The following CMSS1 variants were observed in gnomAD, a reference collection of about 807,000 sequenced individuals.
CMSS1 encodes the protein cms1 ribosomal small subunit homolog.
In CMSS1, 33 loss-of-function variants were observed where a neutral mutation model predicts 43.5. That is an observed-to-expected ratio of 0.76 (90% confidence interval 0.57 to 1.01). The LOEUF (loss-of-function observed/expected upper bound fraction) is 1.01. Among genes scored for constraint, CMSS1 ranks in the 50% least tolerant of loss-of-function variants. CMSS1 has a pLI of 0.00. For missense variants in CMSS1, 313 were observed against 326.4 expected (o/e 0.96, Z 0.32); for synonymous variants, 115 against 117.2 (o/e 0.98, Z 0.12).
chr3:99,932,103 T>C (rs1337083208), intron 1 of CMSS1, among the ~76,000 whole-genome samples: 2 of 152,192 alleles, frequency 1.3e-5, no homozygotes, highest in East Asian at 1.9e-4. Flanking sequence ...AATAATTTAC[T>C]GTATATTAGA....
chr3:100,069,140 C>T (rs191737885), intron 1 of CMSS1, among the ~76,000 whole-genome samples: 3 of 152,288 alleles, frequency 2.0e-5, no homozygotes, highest in Admixed American at 2.0e-4. Context: ...TTCTGTAAGG[C>T]TCCTACTCCT....
At chr3:99,873,124 T>C (rs1705321730) in intron 1 of CMSS1, among the ~76,000 whole-genome samples, 1 of 152,146 alleles carries the variant, frequency 6.6e-6, no homozygotes, top group Non-Finnish European at 1.5e-5. Context: ...TAGAAAATGT[T>C]GTGGTGATGA....
At chr3:100,062,093 C>CTTTTTTTTTTTTTTTTTTTTTTTTT (rs71907944) in intron 1 of CMSS1, among the ~76,000 whole-genome samples, 3 of 53,182 alleles carry the variant, frequency 5.6e-5, no homozygotes, top group East Asian at 5.2e-4. Flanking sequence ...CTGTCTTCTT[C>CTTTTTTTTTTTTTTTTTTTTTTTTT]TTTTTTTTTT....
intron 1 of CMSS1, among the ~76,000 whole-genome samples, chr3:99,855,106 TA>T (rs1943894957): frequency 6.6e-6 from 1 of 152,326 alleles, no homozygotes; most frequent in Admixed American, 6.5e-5. Flanking sequence ...GTTTGAATAT[TA>T]ACTCTGCCAA....
chr3:100,069,033 G>A (rs187447109), intron 1 of CMSS1, among the ~76,000 whole-genome samples: 24 of 152,258 alleles, frequency 1.6e-4, no homozygotes, highest in Admixed American at 2.6e-4. Context: ...AAGTACCCAC[G>A]TGATTTGGGC....
At chr3:99,902,140 A>G (rs1473956112) in intron 1 of CMSS1, among the ~76,000 whole-genome samples, 1 of 152,188 alleles carries the variant, frequency 6.6e-6, no homozygotes, top group African/African-American at 2.4e-5. Flanking sequence ...TCATGATGTT[A>G]TATTAGACAT....
intron 1 of CMSS1, among the ~76,000 whole-genome samples, chr3:99,917,217 TCTC>T (rs2107646178): frequency 6.6e-6 from 1 of 152,330 alleles, no homozygotes; most frequent in East Asian, 1.9e-4. Flanking sequence ...CTGTGTTTAA[TCTC>T]CTTTTTGCCT....
chr3:99,861,662 C>A (rs966615200), intron 1 of CMSS1, among the ~76,000 whole-genome samples: 1 of 152,126 alleles, frequency 6.6e-6, no homozygotes, highest in Non-Finnish European at 1.5e-5. Context: ...CCCTATTACC[C>A]CCAGCAAGAG....
intron 1 of CMSS1, among the ~76,000 whole-genome samples, chr3:100,052,839 T>A (rs1184381117): frequency 6.6e-6 from 1 of 152,234 alleles, no homozygotes; most frequent in Non-Finnish European, 1.5e-5. Context: ...TCATATTTGA[T>A]CTTGTTTTTA....
At chr3:99,951,697 A>G (rs1303964089) in intron 1 of CMSS1, among the ~76,000 whole-genome samples, 1 of 152,182 alleles carries the variant, frequency 6.6e-6, no homozygotes, top group African/African-American at 2.4e-5. Context: ...TTCCCTAATG[A>G]CATCCAGTGA....
intron 1 of CMSS1, among the ~76,000 whole-genome samples, chr3:99,893,755 G>A (rs1026298673): frequency 6.6e-6 from 1 of 152,154 alleles, no homozygotes; most frequent in Non-Finnish European, 1.5e-5. Flanking sequence ...AGCAGAAATA[G>A]TTTCATGCTG....
chr3:100,130,208 G>T (rs1278568186), intron 1 of CMSS1, among the ~76,000 whole-genome samples: 1 of 152,190 alleles, frequency 6.6e-6, no homozygotes, highest in Non-Finnish European at 1.5e-5. Context: ...ACCCTGAACA[G>T]CTCTATTTTG....
intron 1 of CMSS1, among the ~76,000 whole-genome samples, chr3:100,061,132 TAAAA>T: frequency 6.6e-6 from 1 of 151,742 alleles, no homozygotes; most frequent in Admixed American, 6.6e-5. Flanking sequence ...AAGGCACTGT[TAAAA>T]TTTAAAAAAA....
intron 1 of CMSS1, among the ~76,000 whole-genome samples, chr3:99,920,303 G>T (rs944452817): frequency 4.7e-5 from 7 of 149,852 alleles, no homozygotes; most frequent in African/African-American, 1.7e-4. Flanking sequence ...AACTGAAAAA[G>T]AAAAAAAAAT....
At chr3:100,015,855 G>T (rs938670411) in intron 1 of CMSS1, among the ~76,000 whole-genome samples, 3 of 152,164 alleles carry the variant, frequency 2.0e-5, no homozygotes, top group Admixed American at 2.0e-4. Context: ...GATCATTGTA[G>T]GGAATAATGA....
chr3:100,146,999 G>A lies in CMSS1; in HGVS notation c.91G>A (p.Asp31Asn). Residue 31 changes from aspartate to asparagine, a missense_variant, in exon 2 of 10, where the codon GAC becomes AAC. Asp to Asn is a conservative substitution (Grantham distance 23). Transcript: ENST00000421999. ...AGCATCAGATGGTGAAGGAGAAGGA[G>A]ACACAGAAGTGATGCAGCAGGAGAC... ...PEASDGEGEG[D>N]TEVMQQETVP... 6.2e-7 allele frequency: 1 copy of A among 1,613,844 alleles called. No homozygotes were observed. Among genetic ancestry groups the A allele is most frequent in the Non-Finnish European group, 8.5e-7 (1 of 1,179,780 alleles).
intron 1 of CMSS1, among the ~76,000 whole-genome samples, chr3:99,986,970 TA>T (rs1709359631): frequency 6.6e-6 from 1 of 152,038 alleles, no homozygotes; most frequent in Non-Finnish European, 1.5e-5. Context: ...GGCTCATGCC[TA>T]TAATCCTAGC....
chr3:100,063,882 G>A (rs900329281), intron 1 of CMSS1, among the ~76,000 whole-genome samples: 4 of 152,172 alleles, frequency 2.6e-5, no homozygotes, highest in Admixed American at 6.5e-5. Flanking sequence ...TTGAAGTATA[G>A]AGAAAAACCT....
chr3:99,825,191 T>C (rs1942514125), intron 1 of CMSS1, among the ~76,000 whole-genome samples: 1 of 152,250 alleles, frequency 6.6e-6, no homozygotes, highest in African/African-American at 2.4e-5. Context: ...AGGATCGACT[T>C]CTGGGCATGT....
Sources: gnomAD v4.1 joint callset for allele counts (sites outside exome capture counted in the v4.1 genomes callset) on GRCh38, gnomAD v4.1.1 for gene constraint, MANE v1.5 for transcripts, NCBI Gene and HGNC (gene_info 2026-07-23, HGNC 2026-07-21) for gene names.